The following GRID1 variants were observed in gnomAD, a reference collection of about 807,000 sequenced individuals.
GRID1 encodes the protein glutamate ionotropic receptor delta type subunit 1.
In GRID1, 28 loss-of-function variants were observed where a neutral mutation model predicts 98.0. The ratio of observed to expected loss-of-function variants is 0.29; its 90% confidence interval spans 0.21 to 0.39. The LOEUF is 0.39. Ranked by LOEUF, GRID1 falls within the 10% of genes least tolerant of loss-of-function variation. The pLI, the probability that GRID1 is intolerant of heterozygous loss-of-function variation, is 1.00. For synonymous variants in GRID1, 553 were observed against 538.5 expected, an observed-to-expected ratio of 1.03 and a Z score of -0.37; for missense variants, 1,111 against 1,340.5, an observed-to-expected ratio of 0.83 and a Z score of 2.67.
intron 2 of GRID1, among the ~76,000 whole-genome samples, chr10:86,248,549 C>T (rs916246188): frequency 6.7e-6 from 1 of 148,824 alleles, no homozygotes; most frequent in Non-Finnish European, 1.5e-5. Context: ...GTCTGCAAAT[C>T]GGGCATGACA....
intron 2 of GRID1, among the ~76,000 whole-genome samples, chr10:86,241,444 C>T (rs991953606): frequency 7.2e-5 from 11 of 152,240 alleles, no homozygotes; most frequent in Non-Finnish European, 1.3e-4. Flanking sequence ...TCCCTCTGGG[C>T]AATGCCCCTG....
At chr10:85,838,095 G>T (rs1292800926) in intron 8 of GRID1, among the ~76,000 whole-genome samples, 1 of 152,090 alleles carries the variant, frequency 6.6e-6, no homozygotes, top group Non-Finnish European at 1.5e-5. Flanking sequence ...AATAAGACAG[G>T]CAGACAAAAA....
chr10:85,744,508 G>T (rs953123187), intron 8 of GRID1, among the ~76,000 whole-genome samples: 10 of 146,142 alleles, frequency 6.8e-5, no homozygotes, highest in African/African-American at 2.6e-4. Flanking sequence ...TGGGAAAACT[G>T]GCTAGCCATA....
intron 12 of GRID1, among the ~76,000 whole-genome samples, chr10:85,684,636 G>A (rs1420873561): frequency 6.6e-6 from 1 of 152,058 alleles, no homozygotes; most frequent in Non-Finnish European, 1.5e-5. Context: ...CATCCTAAAT[G>A]GCAAAATACT....
chr10:86,228,500 T>G (rs1401107937), intron 2 of GRID1, among the ~76,000 whole-genome samples: 10 of 152,132 alleles, frequency 6.6e-5, no homozygotes. Context: ...CTTCCAGCAA[T>G]CAGCCTCAAT....
intron 8 of GRID1, among the ~76,000 whole-genome samples, chr10:85,777,280 C>T (rs1407268039): frequency 2.0e-5 from 3 of 152,208 alleles, no homozygotes; most frequent in Admixed American, 2.0e-4. Context: ...CTGGGCCCTC[C>T]TTTCTCCCAG....
chr10:85,617,696 A>T (rs1280551769), intron 14 of GRID1, among the ~76,000 whole-genome samples: 1 of 152,330 alleles, frequency 6.6e-6, no homozygotes. Context: ...CACAGAGCAC[A>T]TGCCTTCTGA....
chr10:86,019,645 T>G (rs1843024070), intron 4 of GRID1, among the ~76,000 whole-genome samples: 2 of 152,254 alleles, frequency 1.3e-5, no homozygotes, highest in Non-Finnish European at 2.9e-5. Flanking sequence ...CATCTCTGTC[T>G]TTCACAGATT....
intron 5 of GRID1, among the ~76,000 whole-genome samples, chr10:85,871,181 C>T (rs959718261): frequency 3.3e-5 from 5 of 152,206 alleles, no homozygotes; most frequent in African/African-American, 9.6e-5. Context: ...AACATCGCAG[C>T]TTAGCCTTGC....
In GRID1 at chr10:85,649,710, C is replaced by T. The variant is rs561151203; in HGVS notation, c.1998-2313G>A. Among the ~76,000 whole-genome samples the T allele has an allele frequency of 3.3e-5, 5 of 152,268 alleles. No individual in the cohort carries two copies. The South Asian group carries it at 1.0e-3, about 32-fold the overall frequency. On this transcript the variant is annotated intron_variant, in intron 12 of 15. Transcript: ENST00000327946. ...TTGAAATGGAGATTTTCTCTCTCCA[C>T]TTGGTATTATTCATTAAGGCGCCCA...
At chr10:86,282,758 C>T (rs973601659) in intron 2 of GRID1, among the ~76,000 whole-genome samples, 1 of 152,090 alleles carries the variant, frequency 6.6e-6, no homozygotes, top group Non-Finnish European at 1.5e-5. Flanking sequence ...CTGAGCCCCC[C>T]ACTGCCATGG....
intron 2 of GRID1, among the ~76,000 whole-genome samples, chr10:86,273,570 A>T (rs1847219868): frequency 6.6e-6 from 1 of 151,256 alleles, no homozygotes; most frequent in South Asian, 2.1e-4. Flanking sequence ...CCTCTCCAGC[A>T]CCTGTTGTTT....
At chr10:85,935,566 C>G (rs138332115) in intron 4 of GRID1, among the ~76,000 whole-genome samples, 246 of 152,280 alleles carry the variant, frequency 1.6e-3, no homozygotes, top group African/African-American at 5.6e-3. Context: ...CCAGGCCCAG[C>G]CAGGACCACA....
At position 85,640,574 on chromosome 10, in the gene GRID1, G is replaced by T. The variant is rs116324469; in HGVS notation, c.2193+6628C>A. On this transcript the variant is annotated intron_variant, in intron 13 of 15. Coordinates refer to ENST00000327946, the MANE Select transcript of GRID1 (RefSeq NM_017551.3). ...CATGGAACCAGGAGCTGCCACATAT[G>T]AGGCCAACTTCCTCACCTTGCCCTT... Among the ~76,000 whole-genome samples, 307 of 152,280 alleles carry T rather than the reference G, an allele frequency of 2.0e-3. 1 individual carries two copies. The highest frequency in any genetic ancestry group is 6.8e-3 in the African/African-American group (282 of 41,558).
At chr10:85,988,688 G>T (rs1442817329) in intron 4 of GRID1, among the ~76,000 whole-genome samples, 1 of 152,214 alleles carries the variant, frequency 6.6e-6, no homozygotes, top group Non-Finnish European at 1.5e-5. Flanking sequence ...CAGGTTGGTG[G>T]TGTGGCCTCT....
intron 5 of GRID1, among the ~76,000 whole-genome samples, chr10:85,900,693 G>A (rs1384577211): frequency 6.6e-6 from 1 of 152,202 alleles, no homozygotes; most frequent in Admixed American, 6.5e-5. Flanking sequence ...TGGCTGAGCT[G>A]TAATTTAGTG....
At chr10:86,175,997 C>T (rs1262978763) in intron 3 of GRID1, among the ~76,000 whole-genome samples, 1 of 152,212 alleles carries the variant, frequency 6.6e-6, no homozygotes, top group Non-Finnish European at 1.5e-5. Flanking sequence ...GCGTGAGCCA[C>T]CACACCCGGC....
chr10:86,260,279 T>TA (rs952345109), intron 2 of GRID1, among the ~76,000 whole-genome samples: 1 of 152,216 alleles, frequency 6.6e-6, no homozygotes, highest in Admixed American at 6.5e-5. Context: ...TGATAATACT[T>TA]ACACCAATCT....
At chr10:86,356,058 G>A (rs1372090376) in intron 2 of GRID1, among the ~76,000 whole-genome samples, 2 of 152,222 alleles carry the variant, frequency 1.3e-5, no homozygotes, top group African/African-American at 4.8e-5. Flanking sequence ...TAGCTCAATG[G>A]TCCTGAGAGC....
Sources: allele counts gnomAD v4.1 joint callset (sites outside exome capture counted in the v4.1 genomes callset), GRCh38; gene constraint gnomAD v4.1.1; transcripts MANE v1.5; gene names NCBI Gene and HGNC (gene_info 2026-07-23, HGNC 2026-07-21).